Variants in PRPF18 observed in about 807,000 individuals in gnomAD.
PRPF18 encodes the protein pre-mRNA processing factor 18.
A neutral mutation model predicts 46.5 loss-of-function variants in PRPF18; 38 were observed. That is an observed-to-expected ratio of 0.82 (90% CI 0.63 to 1.07). PRPF18 has a LOEUF of 1.07. Among genes scored for constraint, PRPF18 ranks in the 50% least tolerant of loss-of-function variants. The pLI, the probability that PRPF18 is intolerant of heterozygous loss-of-function variation, is 0.00. For synonymous variants in PRPF18, 152 were observed against 146.7 expected (o/e 1.04, Z -0.26); for missense variants, 263 against 410.0 (o/e 0.64, Z 3.10).
intron 3 of PRPF18, among the ~76,000 whole-genome samples, chr10:13,604,460 C>T (rs1373201821): frequency 6.6e-6 from 1 of 152,152 alleles, no homozygotes; most frequent in Non-Finnish European, 1.5e-5. Context: ...GTAACCATCA[C>T]CCAAGTTTGG....
downstream of PRPF18, chr10:13,631,028 G>C (rs1304412149): frequency 6.6e-6 from 1 of 152,214 alleles, no homozygotes; most frequent in Admixed American, 6.5e-5. Context: ...GTTCAAAACA[G>C]AATAACCCCA....
chr10:13,612,061 G>A (rs1393043190), intron 6 of PRPF18, among the ~76,000 whole-genome samples: 1 of 151,916 alleles, frequency 6.6e-6, no homozygotes, highest in African/African-American at 2.4e-5. Flanking sequence ...TGTATTTTTA[G>A]TAGAGATCGG....
At chr10:13,626,922 G>T (rs1183141516) in intron 9 of PRPF18, among the ~76,000 whole-genome samples, 1 of 151,864 alleles carries the variant, frequency 6.6e-6, no homozygotes, top group African/African-American at 2.4e-5. Context: ...TATATTCAAA[G>T]TATGTCTGGA....
At chr10:13,613,497 G>A (rs557948239) in intron 6 of PRPF18, among the ~76,000 whole-genome samples, 4 of 152,310 alleles carry the variant, frequency 2.6e-5, no homozygotes, top group African/African-American at 7.2e-5. Context: ...TCTGAGGGAA[G>A]CAAATTATCC....
intron 1 of PRPF18, among the ~76,000 whole-genome samples, chr10:13,588,853 A>T (rs2079916298): frequency 6.6e-6 from 1 of 152,200 alleles, no homozygotes; most frequent in Non-Finnish European, 1.5e-5. Context: ...GGACCCCTTC[A>T]CACTCTTAAA....
chr10:13,647,860 G>C, the PRPF18 span: 2 of 151,558 alleles, frequency 1.3e-5, no homozygotes, highest in African/African-American at 4.8e-5. Context: ...ATCATGATTC[G>C]GAAAAACAGC....
chr10:13,589,150 G>T (rs1197958864), intron 1 of PRPF18, among the ~76,000 whole-genome samples: 1 of 152,290 alleles, frequency 6.6e-6, no homozygotes, highest in African/African-American at 2.4e-5. Context: ...TTTCCACTTG[G>T]AAGCTGGAAT....
chr10:13,624,268 G>A (rs747081728), intron 9 of PRPF18, among the ~76,000 whole-genome samples: 7 of 152,212 alleles, frequency 4.6e-5, no homozygotes, highest in African/African-American at 1.4e-4. Context: ...GTGAGCCACC[G>A]CAGCTGGCCT....
intron 1 of PRPF18, 126 bp downstream of exon 1, chr10:13,587,278 A>AGGGGTAGTGG: frequency 9.8e-7 from 1 of 1,022,052 alleles, no homozygotes; most frequent in Non-Finnish European, 1.5e-6. Flanking sequence ...GTGTCCTGCC[A>AGGGGTAGTGG]CTACCCCTGG....
chr10:13,588,233 C>A (rs186394291), intron 1 of PRPF18, among the ~76,000 whole-genome samples: 1 of 152,060 alleles, frequency 6.6e-6, no homozygotes, highest in Non-Finnish European at 1.5e-5. Flanking sequence ...ATGGTGAAAC[C>A]CCGTCTCTAC....
At chr10:13,643,334 TACACATGCTGGCACATATTAC>T in the PRPF18 span, 1 of 152,174 alleles carries the variant, frequency 6.6e-6, no homozygotes. Flanking sequence ...GCAGGGACAG[TACACATGCTGGCACATATTAC>T]ACACAGGGAG....
At chr10:13,615,654 G>A (rs1273487225) in intron 8 of PRPF18, among the ~76,000 whole-genome samples, 8 of 152,038 alleles carry the variant, frequency 5.3e-5, no homozygotes, top group Non-Finnish European at 1.2e-4. Flanking sequence ...TAACCCTTGA[G>A]GTCCTTTAGA....
At chr10:13,600,412 C>G in intron 3 of PRPF18, 64 bp downstream of exon 3, 1 of 1,246,420 alleles carries the variant, frequency 8.0e-7, no homozygotes, top group South Asian at 1.4e-5. Context: ...TTATCTCCAG[C>G]TTTTCCAATA....
the PRPF18 span, chr10:13,651,780 CT>C: frequency 3.0e-6 from 2 of 670,312 alleles, no homozygotes; most frequent in Non-Finnish European, 2.8e-6. Flanking sequence ...CCCCATGTAT[CT>C]AGAAATAAGG....
intron 4 of PRPF18, among the ~76,000 whole-genome samples, chr10:13,606,839 C>G (rs532920927): frequency 6.7e-6 from 1 of 150,030 alleles, no homozygotes; most frequent in South Asian, 2.1e-4. Context: ...ATAAATAGGT[C>G]TCTTGGGGAG....
intron 3 of PRPF18, among the ~76,000 whole-genome samples, chr10:13,604,621 C>T (rs184968579): frequency 1.1e-4 from 16 of 152,302 alleles, no homozygotes; most frequent in Admixed American, 9.1e-4. Context: ...TTTTCCTTCT[C>T]TCTATAAATG....
chr10:13,651,048 T>G, the PRPF18 span: 1 of 152,258 alleles, frequency 6.6e-6, no homozygotes, highest in African/African-American at 2.4e-5. Context: ...CCAGTTAGAC[T>G]GTAAGGGTCC....
At chr10:13,619,486 C>G (rs2080393734) in intron 9 of PRPF18, among the ~76,000 whole-genome samples, 2 of 152,122 alleles carry the variant, frequency 1.3e-5, no homozygotes, top group South Asian at 4.1e-4. Context: ...CCTTTTTGGC[C>G]CTTCTGGCCA....
chr10:13,622,143 A>G (rs1304421302), intron 9 of PRPF18, among the ~76,000 whole-genome samples: 1 of 152,202 alleles, frequency 6.6e-6, no homozygotes, highest in Non-Finnish European at 1.5e-5. Context: ...ACAGCCTGGC[A>G]TTCTGGGCTA....
Sources: gnomAD v4.1 joint callset for allele counts (sites outside exome capture counted in the v4.1 genomes callset) on GRCh38, gnomAD v4.1.1 for gene constraint, MANE v1.5 for transcripts, NCBI Gene and HGNC (gene_info 2026-07-23, HGNC 2026-07-21) for gene names.